Variants in ADGRL3 observed in about 807,000 individuals in gnomAD.
ADGRL3 encodes adhesion G protein-coupled receptor L3, also known as calcium-independent alpha-latrotoxin receptor 3.
ADGRL3 carries 62 observed loss-of-function variants against 153.5 expected under a neutral mutation model. The observed-to-expected ratio is 0.40, with a 90% CI of 0.33 to 0.50. ADGRL3 has a LOEUF of 0.50. Among genes scored for constraint, ADGRL3 ranks in the 20% least tolerant of loss-of-function variants. The pLI is 0.47. For synonymous variants in ADGRL3, 710 were observed against 672.5 expected, an observed-to-expected ratio of 1.06 and a Z score of -0.86; for missense variants, 1,641 against 1,859.4, an observed-to-expected ratio of 0.88 and a Z score of 2.16.
chr4:61,791,798 A>G (rs1178296252), intron 8 of ADGRL3, among the ~76,000 whole-genome samples: 1 of 152,226 alleles, frequency 6.6e-6, no homozygotes, highest in African/African-American at 2.4e-5. Context: ...TCTCAGACTC[A>G]GCACCATGTG....
At chr4:61,242,207 T>C (rs968880753) in intron 1 of ADGRL3, among the ~76,000 whole-genome samples, 4 of 152,048 alleles carry the variant, frequency 2.6e-5, no homozygotes, top group African/African-American at 9.7e-5. Context: ...ATCTGTTTGA[T>C]ATCTGACTCC....
rs116176237 is a variant in ADGRL3 at position 61,422,132 on chromosome 4, G to A, written c.-174+38943G>A. On this transcript the variant is annotated intron_variant, in intron 2 of 26. Coordinates refer to ENST00000683033, the MANE Select transcript of ADGRL3 (RefSeq NM_001387552.1). ...AAGTGAGAGACTGCTTTGCATTTTC[G>A]TGTCTTTCTACGTCTGAGTGATCTA... is the stretch of plus-strand genomic sequence containing the variant. Among the ~76,000 whole-genome samples, 1,365 of 152,150 alleles carry A rather than the reference G, an allele frequency of 9.0e-3. 31 individuals are homozygous for A. The highest frequency in any genetic ancestry group is 0.031 in the African/African-American group (1,285 of 41,504).
intron 25 of ADGRL3, among the ~76,000 whole-genome samples, chr4:62,056,932 G>T (rs1239643390): frequency 1.3e-5 from 2 of 151,970 alleles, no homozygotes; most frequent in African/African-American, 4.8e-5. Context: ...ATTGATGAAT[G>T]GTTGTATTCA....
At chr4:61,970,462 T>G (rs751581694) in intron 17 of ADGRL3, among the ~76,000 whole-genome samples, 17 of 152,180 alleles carry the variant, frequency 1.1e-4, no homozygotes, top group Non-Finnish European at 2.4e-4. Context: ...AATGTAGTTT[T>G]GTTTAGTTTG....
At position 62,068,856 on chromosome 4, in the gene ADGRL3, A is replaced by G. The variant is rs560519108; in HGVS notation, c.3832+673A>G. ...ATACACAGTATGCATCAGGAGTCCA[A>G]ATAAAAATTGGCATATTTGAATCAC... On this transcript the variant is annotated intron_variant, in intron 26 of 26. Transcript: ENST00000683033. 7.9e-5 allele frequency among the ~76,000 whole-genome samples: 12 copies of G among 152,296 alleles called. 2 individuals are homozygous for G. The highest frequency in any genetic ancestry group is 3.3e-4 in the Admixed American group (5 of 15,292).
intron 6 of ADGRL3, among the ~76,000 whole-genome samples, chr4:61,700,115 A>G (rs1457162078): frequency 6.6e-5 from 10 of 152,140 alleles, no homozygotes; most frequent in Non-Finnish European, 1.5e-5. Flanking sequence ...CATAAAATGT[A>G]TACAAATACA....
intron 4 of ADGRL3, among the ~76,000 whole-genome samples, chr4:61,520,049 C>A (rs1046233616): frequency 3.3e-5 from 5 of 152,106 alleles, no homozygotes; most frequent in Admixed American, 2.0e-4. Context: ...TTTTTTCCCC[C>A]CTTTGAATTC....
intron 6 of ADGRL3, among the ~76,000 whole-genome samples, chr4:61,677,844 G>A (rs539811685): frequency 6.6e-6 from 1 of 151,966 alleles, no homozygotes; most frequent in African/African-American, 2.4e-5. Flanking sequence ...GCTTATTAAA[G>A]AAGCAGGACA....
At chr4:61,976,830 G>T (rs1237192047) in intron 17 of ADGRL3, among the ~76,000 whole-genome samples, 1 of 152,084 alleles carries the variant, frequency 6.6e-6, no homozygotes, top group Non-Finnish European at 1.5e-5. Context: ...ACCCAGTCTT[G>T]GGTATGTCTT....
In ADGRL3 at chr4:61,773,312, G is replaced by A. The variant is rs529503457; in HGVS notation, c.1399+39758G>A. Among the ~76,000 whole-genome samples the A allele has an allele frequency of 2.0e-5, 3 of 152,178 alleles. No homozygotes were observed. In the East Asian group the frequency reaches 5.8e-4, roughly 29 times the overall value. Reference sequence around the variant, plus strand: ...TAGTAATATACTAAATCAAATATTGGTATATATGAAATAATGAATAAGAAT... The same window carrying A: ...TAGTAATATACTAAATCAAATATTGATATATATGAAATAATGAATAAGAAT... On this transcript the variant is annotated intron_variant, in intron 8 of 26. Coordinates refer to ENST00000683033, the MANE Select transcript of ADGRL3 (RefSeq NM_001387552.1).
chr4:61,808,245 C>T (rs147969316), intron 8 of ADGRL3, among the ~76,000 whole-genome samples: 7 of 152,270 alleles, frequency 4.6e-5, no homozygotes, highest in Non-Finnish European at 1.0e-4. Flanking sequence ...TTATCTTGTT[C>T]ATATGGTATC....
At chr4:61,709,454 A>G (rs2095921777) in intron 6 of ADGRL3, among the ~76,000 whole-genome samples, 1 of 152,164 alleles carries the variant, frequency 6.6e-6, no homozygotes, top group Non-Finnish European at 1.5e-5. Context: ...GCATATAATA[A>G]TAAGAATATC....
intron 2 of ADGRL3, among the ~76,000 whole-genome samples, chr4:61,390,598 T>G (rs961709533): frequency 1.3e-5 from 2 of 152,224 alleles, no homozygotes; most frequent in African/African-American, 4.8e-5. Context: ...TTAAAATTAG[T>G]TATTGTAAAT....
chr4:61,601,290 C>T (rs1051403629), intron 5 of ADGRL3, among the ~76,000 whole-genome samples: 6 of 152,058 alleles, frequency 3.9e-5, no homozygotes, highest in African/African-American at 9.7e-5. Flanking sequence ...TTTATCTTTT[C>T]GTTTTATAGA....
chr4:62,067,107 T>G (rs898350217), intron 25 of ADGRL3, among the ~76,000 whole-genome samples: 2 of 152,148 alleles, frequency 1.3e-5, no homozygotes, highest in African/African-American at 4.8e-5. Flanking sequence ...CTTTTGAAAC[T>G]TTAAAAGAGA....
At position 61,396,340 on chromosome 4, in the gene ADGRL3, T is replaced by C. The variant is rs1358677084; in HGVS notation, c.-174+13151T>C. 4.6e-5 allele frequency among the ~76,000 whole-genome samples: 7 copies of C among 152,058 alleles called. No homozygotes were observed. In the South Asian group the frequency reaches 1.0e-3, roughly 22 times the overall value. On this transcript the variant is annotated intron_variant, in intron 2 of 26. Coordinates refer to ENST00000683033, the MANE Select transcript of ADGRL3 (RefSeq NM_001387552.1). ...GGCCCATTTCTGTCATTACTGATGA[T>C]AAAGTTTTTAATTTTAAAAAAGAAA...
At chr4:62,007,845 G>C (rs867433967) in intron 21 of ADGRL3, among the ~76,000 whole-genome samples, 3 of 152,002 alleles carry the variant, frequency 2.0e-5, no homozygotes, top group African/African-American at 7.3e-5. Context: ...AGGGTAGATA[G>C]TGAAAATAAG....
chr4:61,296,560 A>G (rs983854792), intron 1 of ADGRL3, among the ~76,000 whole-genome samples: 10 of 152,192 alleles, frequency 6.6e-5, no homozygotes, highest in African/African-American at 2.4e-4. Flanking sequence ...CATGCACAGT[A>G]TGGATAATAG....
intron 2 of ADGRL3, among the ~76,000 whole-genome samples, chr4:61,488,020 A>G (rs755582158): frequency 3.3e-5 from 5 of 151,990 alleles, no homozygotes; most frequent in Non-Finnish European, 4.4e-5. Flanking sequence ...GCTTTGTGGG[A>G]TCTCAGAAAA....
Sources: gnomAD v4.1 joint callset for allele counts (sites outside exome capture counted in the v4.1 genomes callset) on GRCh38, gnomAD v4.1.1 for gene constraint, MANE v1.5 for transcripts, NCBI Gene and HGNC (gene_info 2026-07-23, HGNC 2026-07-21) for gene names.